The following MACROD2 variants were observed in gnomAD, a reference collection of about 807,000 sequenced individuals.
MACROD2 encodes the protein mono-ADP ribosylhydrolase 2.
A neutral mutation model predicts 70.4 loss-of-function variants in MACROD2; 36 were observed. That is an observed-to-expected ratio of 0.51 (90% CI 0.39 to 0.68). The LOEUF is 0.68. MACROD2 is among the 30% of genes least tolerant of loss of function. MACROD2 has a pLI of 0.00. For missense variants in MACROD2, 496 were observed against 538.4 expected (o/e 0.92, Z 0.78); for synonymous variants, 172 against 178.8 (o/e 0.96, Z 0.30).
rs2063915422 is a variant in MACROD2 at position 15,819,457 on chromosome 20, A to G, written c.646-43288A>G. Among the ~76,000 whole-genome samples the G allele has an allele frequency of 2.1e-5, 3 of 145,182 alleles. No individual in the cohort carries two copies. The South Asian group carries it at 6.3e-4, about 30-fold the overall frequency. ...TATATAATTATATAAATATATATAA[A>G]TATATAAGTATATAAATATATAGTT... On this transcript the variant is annotated intron_variant, in intron 8 of 17. Coordinates refer to ENST00000684519, the MANE Select transcript of MACROD2 (RefSeq NM_001351661.2).
At chr20:14,017,957 T>G (rs1480517220) in intron 2 of MACROD2, among the ~76,000 whole-genome samples, 2 of 152,194 alleles carry the variant, frequency 1.3e-5, no homozygotes, top group African/African-American at 4.8e-5. Flanking sequence ...TTTTGGTTAC[T>G]TATTCAGTCT....
chr20:15,457,910 A>G (rs2046749894), intron 7 of MACROD2, among the ~76,000 whole-genome samples: 1 of 151,802 alleles, frequency 6.6e-6, no homozygotes, highest in South Asian at 2.1e-4. Context: ...GAGATAACAT[A>G]ATATAACCTA....
At chr20:15,902,654 G>A (rs997522853) in intron 10 of MACROD2, among the ~76,000 whole-genome samples, 1 of 152,024 alleles carries the variant, frequency 6.6e-6, no homozygotes, top group African/African-American at 2.4e-5. Context: ...GGGTAAGGCA[G>A]CCGCCATGTA....
At position 15,986,963 on chromosome 20, in the gene MACROD2, A is replaced by C. The variant is rs1424786037; in HGVS notation, c.1061-103A>C. ...ACTTGGTGTACCTATTGAAACTTGA[A>C]GGGGGAAAAAAGAACTCTAACTTTC... On this transcript the variant is annotated intron_variant, in intron 14 of 17. Transcript: ENST00000684519. The C allele has an allele frequency of 2.5e-6, 3 of 1,186,168 alleles. No homozygotes were observed. The African/African-American group carries it at 4.6e-5, about 18-fold the overall frequency. The allele number at this position is 1,186,168 out of a possible 1,614,324, so 73.5% of individuals were successfully genotyped here.
At position 15,948,984 on chromosome 20, in the gene MACROD2, A is replaced by G. The variant is rs138854208; in HGVS notation, c.907+11440A>G. Among the ~76,000 whole-genome samples, 789 of 152,312 alleles carry G rather than the reference A, an allele frequency of 5.2e-3. 7 individuals are homozygous for G. The highest frequency in any genetic ancestry group is 0.018 in the African/African-American group (762 of 41,570). On this transcript the variant is annotated intron_variant, in intron 12 of 17. Coordinates refer to ENST00000684519, the MANE Select transcript of MACROD2 (RefSeq NM_001351661.2). ...GTTTTGGACCTGAATTTACATCCAA[A>G]TAGGTCCAAATTTATATGAGCATCC...
intron 5 of MACROD2, among the ~76,000 whole-genome samples, chr20:14,810,557 C>T (rs549343895): frequency 9.2e-5 from 14 of 152,194 alleles, no homozygotes; most frequent in African/African-American, 3.4e-4. Flanking sequence ...TCTCACCACT[C>T]CTATTCAACA....
At chr20:14,365,490 G>A (rs1436388279) in intron 3 of MACROD2, among the ~76,000 whole-genome samples, 1 of 151,396 alleles carries the variant, frequency 6.6e-6, no homozygotes, top group Non-Finnish European at 1.5e-5. Context: ...TATGATTATT[G>A]TATATTTTTT....
intron 4 of MACROD2, among the ~76,000 whole-genome samples, chr20:14,572,208 C>A (rs1000618502): frequency 6.6e-6 from 1 of 152,058 alleles, no homozygotes; most frequent in African/African-American, 2.4e-5. Context: ...ATGGATTTCT[C>A]TGTAAAATGA....
intron 4 of MACROD2, among the ~76,000 whole-genome samples, chr20:14,498,335 T>A (rs2084878283): frequency 6.6e-6 from 1 of 152,226 alleles, no homozygotes; most frequent in Non-Finnish European, 1.5e-5. Context: ...AACCATGTGC[T>A]GTTATATCAT....
intron 5 of MACROD2, among the ~76,000 whole-genome samples, chr20:14,746,212 A>C (rs2071797641): frequency 6.6e-6 from 1 of 152,172 alleles, no homozygotes; most frequent in Non-Finnish European, 1.5e-5. Flanking sequence ...TCAACTTTTC[A>C]CTACCAGGAA....
chr20:14,764,523 A>G (rs1182782360), intron 5 of MACROD2, among the ~76,000 whole-genome samples: 1 of 151,908 alleles, frequency 6.6e-6, no homozygotes, highest in Non-Finnish European at 1.5e-5. Flanking sequence ...AGCTATGGGG[A>G]CGGCTGACCA....
At chr20:14,013,728 T>A (rs2052948084) in intron 2 of MACROD2, among the ~76,000 whole-genome samples, 1 of 131,550 alleles carries the variant, frequency 7.6e-6, no homozygotes, top group Admixed American at 8.9e-5. Context: ...TTGCCCAGGC[T>A]GGAGTGCCAT....
rs147163342 is a variant in MACROD2, at chr20:15,329,475, T to C, written c.540+99414T>C. On this transcript the variant is annotated intron_variant, in intron 6 of 17. Coordinates refer to ENST00000684519, the MANE Select transcript of MACROD2 (RefSeq NM_001351661.2). Reference sequence around the variant, plus strand: ...AATACCAGTCAGGTGCAGTGGCTCATGTCTGTAATCCCAGCACTTAGGAAG... The same window carrying C: ...AATACCAGTCAGGTGCAGTGGCTCACGTCTGTAATCCCAGCACTTAGGAAG... Among the ~76,000 whole-genome samples, 1,207 of 152,170 alleles carry C rather than the reference T, an allele frequency of 7.9e-3. 16 individuals carry two copies. Among genetic ancestry groups the C allele is most frequent in the African/African-American group, 0.027 (1,101 of 41,540 alleles).
chr20:15,978,598 CT>C (rs2066347470), intron 13 of MACROD2, among the ~76,000 whole-genome samples: 1 of 150,810 alleles, frequency 6.6e-6, no homozygotes, highest in South Asian at 2.1e-4. Context: ...CTCTCTCTCT[CT>C]CTCTCTCTCT....
At chr20:14,972,625 T>C (rs974213071) in intron 5 of MACROD2, among the ~76,000 whole-genome samples, 5 of 152,192 alleles carry the variant, frequency 3.3e-5, no homozygotes, top group African/African-American at 1.2e-4. Flanking sequence ...CTGAGGTGAC[T>C]CAGTAATTAT....
At chr20:14,435,069 C>T (rs1356137920) in intron 3 of MACROD2, among the ~76,000 whole-genome samples, 1 of 152,126 alleles carries the variant, frequency 6.6e-6, no homozygotes, top group Non-Finnish European at 1.5e-5. Context: ...ACTTGATTCT[C>T]TCAAGTTCTG....
At chr20:15,560,520 G>C (rs1294185876) in intron 8 of MACROD2, among the ~76,000 whole-genome samples, 1 of 152,014 alleles carries the variant, frequency 6.6e-6, no homozygotes, top group Non-Finnish European at 1.5e-5. Flanking sequence ...CCCAGCATTT[G>C]AGAGGCTGAG....
Position 15,557,686 on chromosome 20 carries a change from C to A in MACROD2, c.645+57839C>A, listed in dbSNP as rs1242672349. 1.2e-4 allele frequency among the ~76,000 whole-genome samples: 18 copies of A among 152,258 alleles called. 1 individual carries two copies. The South Asian group carries it at 3.5e-3, about 30-fold the overall frequency. On this transcript the variant is annotated intron_variant, in intron 8 of 17. Coordinates refer to ENST00000684519, the MANE Select transcript of MACROD2 (RefSeq NM_001351661.2). ...ACACATGTTTACTATAGAGAGCAAA[C>A]TGAATTGGTCTCAGAGTTTATCTTT...
intron 3 of MACROD2, among the ~76,000 whole-genome samples, chr20:14,473,013 T>C (rs1050424422): frequency 6.6e-6 from 1 of 152,188 alleles, no homozygotes; most frequent in African/African-American, 2.4e-5. Context: ...TATTTATTTA[T>C]ATTTTTAAAA....
Sources: allele counts gnomAD v4.1 joint callset (sites outside exome capture counted in the v4.1 genomes callset), GRCh38; gene constraint gnomAD v4.1.1; transcripts MANE v1.5; gene names NCBI Gene and HGNC (gene_info 2026-07-23, HGNC 2026-07-21).